TICRR: variants seen among roughly 807,000 people sequenced by gnomAD.
TICRR encodes the protein TOPBP1 interacting checkpoint and replication regulator.
In TICRR, 132 loss-of-function variants were observed where a neutral mutation model predicts 178.1. The observed-to-expected ratio is 0.74, with a 90% CI of 0.64 to 0.86. The LOEUF is 0.86. Among genes scored for constraint, TICRR ranks in the 40% least tolerant of loss-of-function variants. The pLI is 0.00. For synonymous variants in TICRR, 991 were observed against 900.7 expected (o/e 1.10, Z -1.79); for missense variants, 2,587 against 2,334.3 (o/e 1.11, Z -2.23).
At position 89,621,547 on chromosome 15, in the gene TICRR, C is replaced by G; in HGVS notation, c.3309C>G (p.Tyr1103Ter). Residue 1103 changes from tyrosine to a stop codon, truncating the protein, a stop_gained, in exon 19 of 22, where the codon TAC (tyrosine) becomes TAG (stop). Transcript: ENST00000268138. LOFTEE classifies it high-confidence loss of function. ...NTLDSEVPAA[Y>*]QTPKKSHQKS... ...TGGATTCGGAGGTACCTGCAGCTTA[C>G]CAGGTATAATGTTTCTGTAATGTTT... 1 of 1,609,588 alleles carries G rather than the reference C, an allele frequency of 6.2e-7. No homozygotes were observed. Among genetic ancestry groups the G allele is most frequent in the Non-Finnish European group, 8.5e-7 (1 of 1,178,380 alleles).
At position 89,627,395 on chromosome 15, in the gene TICRR, C is replaced by T. The variant is rs576316964; in HGVS notation, c.*309C>T. On this transcript the variant is annotated 3_prime_UTR_variant, in exon 22 of 22. Transcript: ENST00000268138. ...CACCCCAACCATGACCTTGGCAAGT[C>T]AGGGGGCCACTCTGCCTCATTTATG... 8.4e-5 allele frequency: 29 copies of T among 343,486 alleles called. 1 individual carries two copies. The South Asian group carries it at 1.7e-3, about 20-fold the overall frequency. The allele number at this position is 343,486 out of a possible 1,614,324, so 21.3% of individuals were successfully genotyped here. A position where few individuals can be genotyped will look rare whatever the true frequency, so the allele number is the denominator to read the frequency against.
chr15:89,584,985 A>G (rs191535785), intron 3 of TICRR, among the ~76,000 whole-genome samples: 17 of 152,352 alleles, frequency 1.1e-4, no homozygotes, highest in African/African-American at 3.1e-4. Context: ...TAGTTACACA[A>G]ATGTAGAAAT....
At chr15:89,579,593 A>C (rs1170297289) in intron 1 of TICRR, among the ~76,000 whole-genome samples, 1 of 149,734 alleles carries the variant, frequency 6.7e-6, no homozygotes, top group Non-Finnish European at 1.5e-5. Flanking sequence ...TGATCCACCC[A>C]CCTCGGCCTC....
chr15:89,603,216 A>C (rs1295425127), intron 13 of TICRR, among the ~76,000 whole-genome samples: 1 of 152,214 alleles, frequency 6.6e-6, no homozygotes, highest in Non-Finnish European at 1.5e-5. Flanking sequence ...GGAAGAGAAT[A>C]TACAATTGTA....
At chr15:89,610,609 T>C (rs940390128) in intron 15 of TICRR, among the ~76,000 whole-genome samples, 9 of 152,228 alleles carry the variant, frequency 5.9e-5, no homozygotes, top group African/African-American at 9.6e-5. Flanking sequence ...AAATATCTTA[T>C]AGACCTCATA....
chr15:89,606,347 C>CT (rs1963175355), intron 13 of TICRR, among the ~76,000 whole-genome samples: 1 of 152,184 alleles, frequency 6.6e-6, no homozygotes, highest in African/African-American at 2.4e-5. Context: ...ATTACATGTA[C>CT]TTACTGGTTA....
intron 7 of TICRR, among the ~76,000 whole-genome samples, chr15:89,598,589 C>T (rs533214421): frequency 4.2e-4 from 62 of 149,386 alleles, no homozygotes; most frequent in Non-Finnish European, 7.8e-4. Context: ...GTCTTGAACT[C>T]CTGACCTCAG....
Position 89,625,388 on chromosome 15 carries a change from G to A in TICRR, c.5078G>A (p.Gly1693Asp), listed in dbSNP as rs1963501957. Residue 1693 changes from glycine to aspartate, a missense_variant, in exon 20 of 22, where the codon GGC (glycine) becomes GAC (aspartate). Physicochemically the swap from Gly to Asp is moderately conservative, Grantham distance 94 (BLOSUM62 -1). Transcript: ENST00000268138. ...KDWPRRKRAV[G>D]CGAGSSSGRG... is the part of the protein sequence containing the mutation. Reference sequence around the variant, plus strand: ...TGGCCCAGGAGGAAGAGGGCGGTGGGCTGTGGCGCCGGCTCCTCTTCCGGG... The same window carrying A: ...TGGCCCAGGAGGAAGAGGGCGGTGGACTGTGGCGCCGGCTCCTCTTCCGGG... 3 of 1,613,810 alleles carry A rather than the reference G, an allele frequency of 1.9e-6. No individual in the cohort carries two copies. Among genetic ancestry groups the A allele is most frequent in the Admixed American group, 3.3e-5 (2 of 60,010 alleles).
intron 16 of TICRR, 129 bp from the exon 17 acceptor site, chr15:89,618,023 C>T: frequency 2.1e-6 from 2 of 945,936 alleles, no homozygotes; most frequent in Non-Finnish European, 3.4e-6. Context: ...TATGAGAGCC[C>T]TTTACCAGCA....
chr15:89,582,762 C>T lies in TICRR; in HGVS notation c.731C>T (p.Pro244Leu), dbSNP rs1364989373. 6.2e-7 allele frequency: 1 copy of T among 1,614,178 alleles called. No individual in the cohort carries two copies. The highest frequency in any genetic ancestry group is 8.5e-7 in the Non-Finnish European group (1 of 1,180,034). Residue 244 changes from proline to leucine, a missense_variant, in exon 2 of 22, where the codon CCA (proline) becomes CTA (leucine). Coordinates refer to ENST00000268138, the MANE Select transcript of TICRR (RefSeq NM_152259.4). Reference protein sequence around the residue: ...LLHHGGGTVLPSESFSWDFAQ... With the variant: ...LLHHGGGTVLLSESFSWDFAQ... ...CACCACGGAGGTGGCACTGTCTTGC[C>T]ATCTGAATCTTTCAGCTGGGATTTT...
rs773355437 is a variant in TICRR, at chr15:89,576,060, C to T, written c.474C>T (p.Ala158=). 25 of 1,611,674 alleles carry T rather than the reference C, an allele frequency of 1.6e-5. No homozygotes were observed. Among genetic ancestry groups the T allele is most frequent in the Non-Finnish European group, 2.0e-5 (24 of 1,179,722 alleles). ...GGLVNAVFLL[A]PCPHSQRELL... is the part of the protein sequence containing the mutation. The stretch of plus-strand genomic sequence containing the variant: ...TGGTGAACGCCGTCTTCCTCCTGGC[C>T]CCCTGTCCGCACTCGCAGAGGGAGC... Residue 158 remains alanine, a synonymous_variant, in exon 1 of 22, where the codon GCC becomes GCT. Transcript: ENST00000268138.
intron 7 of TICRR, 64 bp from the exon 8 acceptor site, chr15:89,599,260 G>T: frequency 7.3e-7 from 1 of 1,361,980 alleles, no homozygotes; most frequent in Non-Finnish European, 9.9e-7. Flanking sequence ...ACAACAACTG[G>T]CCTAAGTAAT....
In TICRR at chr15:89,619,800, C is replaced by T. The variant is rs770048182; in HGVS notation, c.3112C>T (p.Arg1038Ter). 8 of 1,613,738 alleles carry T rather than the reference C, an allele frequency of 5.0e-6. No individual in the cohort carries two copies. The highest frequency in any genetic ancestry group is 1.3e-5 in the African/African-American group (1 of 74,892). ...SFYSVSQPKS[R>*]SVQRVHSFQQ... ...CTATTCTGTGTCTCAGCCGAAGTCTCGAAGTGTGCAAAGAGTCCACTCTTT... is the reference window on the plus strand; with the variant it reads ...CTATTCTGTGTCTCAGCCGAAGTCTTGAAGTGTGCAAAGAGTCCACTCTTT... The change falls in exon 18 of 22, where the codon CGA becomes TGA. Residue 1038 changes from arginine (R) to a stop codon, truncating the protein, a stop_gained. Coordinates refer to ENST00000268138, the MANE Select transcript of TICRR (RefSeq NM_152259.4). LOFTEE classifies it high-confidence loss of function.
At chr15:89,598,520 G>T (rs190876675) in intron 7 of TICRR, among the ~76,000 whole-genome samples, 2 of 151,694 alleles carry the variant, frequency 1.3e-5, no homozygotes, top group Non-Finnish European at 2.9e-5. Flanking sequence ...CCGCCACTAC[G>T]CCCGGGTAAT....
At chr15:89,601,655 G>A in intron 11 of TICRR, 82 bp from the exon 12 acceptor site, 1 of 1,610,664 alleles carries the variant, frequency 6.2e-7, no homozygotes, top group Non-Finnish European at 8.5e-7. Flanking sequence ...GAGTTGTAAG[G>A]ACTACTTTTT....
rs1275010940 is a variant in TICRR at position 89,623,990 on chromosome 15, C to A, written c.3680C>A (p.Ala1227Asp). 6.2e-7 allele frequency: 1 copy of A among 1,613,966 alleles called. No individual in the cohort carries two copies. Among genetic ancestry groups the A allele is most frequent in the Non-Finnish European group, 8.5e-7 (1 of 1,180,012 alleles). Residue 1227 changes from alanine (A) to aspartate (D), a missense_variant, in exon 20 of 22, where the codon GCC becomes GAC. Coordinates refer to ENST00000268138, the MANE Select transcript of TICRR (RefSeq NM_152259.4). ...AGTCCAGAAAGCCCCTCCTGTCCAGCCCCTCCAACTTCATCGACTGCCCAG... is the reference window on the plus strand; with the variant it reads ...AGTCCAGAAAGCCCCTCCTGTCCAGACCCTCCAACTTCATCGACTGCCCAG... ...NSSPESPSCP[A>D]PPTSSTAQPR...
Position 89,608,873 on chromosome 15 carries a change from G to T in TICRR, c.2793G>T (p.Arg931=), listed in dbSNP as rs1368850630. The change falls in exon 15 of 22, where the codon CGG becomes CGT. Residue 931 remains arginine, a synonymous_variant. Transcript: ENST00000268138. ...LLSPSKRSLK[R]GLPRSHSVSA... The stretch of plus-strand genomic sequence containing the variant: ...CCCCTTCAAAGAGATCACTAAAGCG[G>T]GGGTTGCCTAGAAGCCATTCTGTGT... The T allele has an allele frequency of 1.2e-6, 2 of 1,611,202 alleles. No individual in the cohort carries two copies. The highest frequency in any genetic ancestry group is 2.7e-5 in the African/African-American group (2 of 74,506).
chr15:89,605,415 C>T (rs1407334421), intron 13 of TICRR, among the ~76,000 whole-genome samples: 2 of 152,316 alleles, frequency 1.3e-5, no homozygotes, highest in East Asian at 3.9e-4. Flanking sequence ...GTCGCCCAGG[C>T]TGGAGTGCAG....
rs1002363966 is a variant in TICRR at position 89,601,335 on chromosome 15, C to T, written c.2191C>T (p.Leu731=). ...GGTATTTCTTCGTTTGGAGATGTGT[C>T]TGCAATGCCCTTCAATAAATGAAAG... ...LQVFLRLEMC[L]QCPSINESTD... Residue 731 remains leucine (L), a synonymous_variant, in exon 10 of 22, where the codon CTG becomes TTG. Coordinates refer to ENST00000268138, the MANE Select transcript of TICRR (RefSeq NM_152259.4). The T allele has an allele frequency of 6.2e-7, 1 of 1,613,980 alleles. No individual in the cohort carries two copies. The highest frequency in any genetic ancestry group is 8.5e-7 in the Non-Finnish European group (1 of 1,180,024).
Sources: allele counts gnomAD v4.1 joint callset (sites outside exome capture counted in the v4.1 genomes callset), GRCh38; gene constraint gnomAD v4.1.1; transcripts MANE v1.5; gene names NCBI Gene and HGNC (gene_info 2026-07-23, HGNC 2026-07-21).